The following RGS9 variants were observed in gnomAD, a reference collection of about 807,000 sequenced individuals.
The protein encoded by RGS9 is regulator of G-protein signalling 9.
Under a neutral mutation model 102.0 loss-of-function variants are expected in RGS9, and 78 were observed. That is an observed-to-expected ratio of 0.76 (90% CI 0.64 to 0.92). The LOEUF is 0.92. Ranked by LOEUF, RGS9 falls within the 40% of genes least tolerant of loss-of-function variation. RGS9 has a pLI of 0.00. For synonymous variants in RGS9, 353 were observed against 318.6 expected (o/e 1.11, Z -1.15); for missense variants, 833 against 866.1 (o/e 0.96, Z 0.48).
intron 1 of RGS9, among the ~76,000 whole-genome samples, chr17:65,150,684 G>A (rs940685179): frequency 4.6e-5 from 7 of 152,182 alleles, no homozygotes; most frequent in Non-Finnish European, 7.3e-5. Flanking sequence ...TCTAGGCACT[G>A]CTGTGTTCAC....
chr17:65,217,468 G>A (rs1303618984), intron 17 of RGS9, among the ~76,000 whole-genome samples: 1 of 152,224 alleles, frequency 6.6e-6, no homozygotes, highest in Admixed American at 6.5e-5. Flanking sequence ...GGATTTAGCA[G>A]TAAGGAAATC....
At chr17:65,192,654 T>C (rs1236389074) in intron 11 of RGS9, among the ~76,000 whole-genome samples, 1 of 151,958 alleles carries the variant, frequency 6.6e-6, no homozygotes, top group African/African-American at 2.4e-5. Flanking sequence ...CTAGATAGTG[T>C]TCTGTAGCAC....
At chr17:65,206,231 G>A (rs1913058862) in intron 15 of RGS9, among the ~76,000 whole-genome samples, 2 of 152,154 alleles carry the variant, frequency 1.3e-5, no homozygotes, top group African/African-American at 4.8e-5. Context: ...CGCCAAGCCA[G>A]ATTAGCCATT....
rs529968438 is a variant in RGS9, at chr17:65,213,118, C to T, written c.1407+2513C>T. ...TTGTGAAATGAGGTATCAGGACCAG[C>T]TCTAAACTTCTCTAAACAGACTTTG... is the stretch of plus-strand genomic sequence containing the variant. On this transcript the variant is annotated intron_variant, in intron 17 of 18. Transcript: ENST00000262406. 1.1e-3 allele frequency among the ~76,000 whole-genome samples: 163 copies of T among 152,314 alleles called. 2 individuals carry two copies. Among genetic ancestry groups the T allele is most frequent in the African/African-American group, 3.7e-3 (153 of 41,550 alleles).
At chr17:65,221,076 A>T (rs1204428946) in intron 17 of RGS9, among the ~76,000 whole-genome samples, 2 of 152,168 alleles carry the variant, frequency 1.3e-5, no homozygotes, top group Non-Finnish European at 2.9e-5. Flanking sequence ...CGGGTGGAAA[A>T]GACATCTGCT....
chr17:65,210,451 C>T, intron 16 of RGS9, 37 bp from the exon 17 acceptor site: 2 of 1,610,570 alleles, frequency 1.2e-6, no homozygotes, highest in East Asian at 2.2e-5. Flanking sequence ...CAAGCTGTGT[C>T]ATTTTCCTCC....
chr17:65,224,897 C>T, intron 17 of RGS9, 105 bp from the exon 18 acceptor site: 6 of 1,501,036 alleles, frequency 4.0e-6, no homozygotes, highest in Non-Finnish European at 5.5e-6. Context: ...CAGGCCCGCA[C>T]TCTTGTCGCT....
chr17:65,182,602 T>C (rs1004040653), intron 9 of RGS9, among the ~76,000 whole-genome samples: 1 of 152,220 alleles, frequency 6.6e-6, no homozygotes, highest in Non-Finnish European at 1.5e-5. Context: ...CTGAAGTCCA[T>C]TAACAGAGAC....
chr17:65,178,632 T>TA (rs1267368392), intron 9 of RGS9, among the ~76,000 whole-genome samples: 1 of 152,134 alleles, frequency 6.6e-6, no homozygotes, highest in African/African-American at 2.4e-5. Context: ...GCCACCCAAG[T>TA]AGCTAGGACC....
intron 3 of RGS9, among the ~76,000 whole-genome samples, chr17:65,159,565 G>A (rs910154171): frequency 1.3e-5 from 2 of 152,156 alleles, no homozygotes; most frequent in Admixed American, 6.5e-5. Context: ...TTGGGCTGGG[G>A]GGTCCTGCAG....
intron 8 of RGS9, among the ~76,000 whole-genome samples, chr17:65,177,286 A>G (rs920381490): frequency 3.4e-5 from 5 of 148,638 alleles, no homozygotes; most frequent in African/African-American, 5.0e-5. Flanking sequence ...CCTGCCACCC[A>G]TCCAACTCTG....
At chr17:65,139,804 T>C (rs1191514123) in intron 1 of RGS9, among the ~76,000 whole-genome samples, 1 of 152,236 alleles carries the variant, frequency 6.6e-6, no homozygotes, top group African/African-American at 2.4e-5. Flanking sequence ...TCTATATCTA[T>C]GTATGTATTG....
At chr17:65,194,395 T>G (rs1020060191) in intron 12 of RGS9, among the ~76,000 whole-genome samples, 2 of 152,214 alleles carry the variant, frequency 1.3e-5, no homozygotes, top group Non-Finnish European at 2.9e-5. Context: ...CATATTTTCA[T>G]TTCTCTCGGG....
At chr17:65,158,472 G>C in intron 3 of RGS9, 127 bp downstream of exon 3, 1 of 872,468 alleles carries the variant, frequency 1.1e-6, no homozygotes, top group Non-Finnish European at 1.9e-6. Flanking sequence ...CATGACCTTC[G>C]TGTGTAAAAG....
At chr17:65,183,525 G>T (rs1208443117) in intron 9 of RGS9, among the ~76,000 whole-genome samples, 1 of 152,116 alleles carries the variant, frequency 6.6e-6, no homozygotes, top group Non-Finnish European at 1.5e-5. Flanking sequence ...TTGAACTCCT[G>T]GGCTCAAGCG....
At chr17:65,161,100 C>T (rs959028952) in intron 6 of RGS9, among the ~76,000 whole-genome samples, 191 bp downstream of exon 6, 94 of 152,330 alleles carry the variant, frequency 6.2e-4, no homozygotes, top group African/African-American at 2.0e-3. Flanking sequence ...TCATGTCTAA[C>T]TTCAGTTTCT....
chr17:65,213,725 C>T (rs887892251), intron 17 of RGS9, among the ~76,000 whole-genome samples: 15 of 152,142 alleles, frequency 9.9e-5, no homozygotes, highest in African/African-American at 2.4e-5. Flanking sequence ...ACTATGTGCT[C>T]TGTGTCAGGC....
At chr17:65,199,741 G>A (rs555090104) in intron 13 of RGS9, among the ~76,000 whole-genome samples, 8 of 151,978 alleles carry the variant, frequency 5.3e-5, no homozygotes, top group South Asian at 4.2e-4. Context: ...TGATCCACCC[G>A]CCTCGGCCTC....
chr17:65,219,234 C>T (rs1310211646), intron 17 of RGS9, among the ~76,000 whole-genome samples: 1 of 152,236 alleles, frequency 6.6e-6, no homozygotes, highest in Non-Finnish European at 1.5e-5. Flanking sequence ...CTCTCCCCAA[C>T]ATCAGTGTAT....
Sources: gnomAD v4.1 joint callset for allele counts (sites outside exome capture counted in the v4.1 genomes callset) on GRCh38, gnomAD v4.1.1 for gene constraint, MANE v1.5 for transcripts, NCBI Gene and HGNC (gene_info 2026-07-23, HGNC 2026-07-21) for gene names.